GABRG3: variants seen among roughly 807,000 people sequenced by gnomAD.
GABRG3 encodes the protein gamma-aminobutyric acid type A receptor subunit gamma3.
A neutral mutation model predicts 48.8 loss-of-function variants in GABRG3; 25 were observed. That is an observed-to-expected ratio of 0.51 (90% CI 0.37 to 0.72). GABRG3 has a LOEUF of 0.72. Ranked by LOEUF, GABRG3 falls within the 30% of genes least tolerant of loss-of-function variation. The pLI is 0.00. For missense variants in GABRG3, 394 were observed against 577.9 expected (o/e 0.68, Z 3.26); for synonymous variants, 227 against 217.6 (o/e 1.04, Z -0.38).
intron 3 of GABRG3, among the ~76,000 whole-genome samples, chr15:27,318,714 G>T (rs146913596): frequency 2.6e-5 from 4 of 152,282 alleles, no homozygotes; most frequent in African/African-American, 9.6e-5. Context: ...TCTAGCTGTG[G>T]ATCCCAGGCG....
intron 2 of GABRG3, among the ~76,000 whole-genome samples, chr15:27,012,543 T>C (rs1278737433): frequency 3.3e-5 from 5 of 152,182 alleles, no homozygotes; most frequent in African/African-American, 1.2e-4. Flanking sequence ...ATGTATTCTC[T>C]TTGTAATACA....
chr15:27,019,385 C>G (rs895788007), intron 2 of GABRG3, among the ~76,000 whole-genome samples: 1 of 152,020 alleles, frequency 6.6e-6, no homozygotes, highest in African/African-American at 2.4e-5. Context: ...TCTCTTGAAG[C>G]CTCACTACCA....
chr15:27,191,076 C>G (rs1355347495), intron 3 of GABRG3, among the ~76,000 whole-genome samples: 1 of 152,146 alleles, frequency 6.6e-6, no homozygotes. Context: ...TTTGATTGCA[C>G]TGTGGTCTGA....
chr15:27,228,113 G>A (rs1308597415), intron 3 of GABRG3, among the ~76,000 whole-genome samples: 1 of 152,104 alleles, frequency 6.6e-6, no homozygotes, highest in Non-Finnish European at 1.5e-5. Flanking sequence ...ATATGTGAAG[G>A]TTTGTTACAT....
intron 6 of GABRG3, among the ~76,000 whole-genome samples, chr15:27,508,122 T>A (rs1890804140): frequency 6.6e-6 from 1 of 152,228 alleles, no homozygotes; most frequent in South Asian, 2.1e-4. Context: ...CCTGTGTGTT[T>A]CATCTGGGAT....
chr15:27,487,249 A>G (rs2150847615), intron 6 of GABRG3, among the ~76,000 whole-genome samples: 1 of 152,328 alleles, frequency 6.6e-6, no homozygotes, highest in South Asian at 2.1e-4. Context: ...TCATATCTGA[A>G]TATGTCTGTT....
chr15:27,399,042 T>C (rs148431921), intron 5 of GABRG3, among the ~76,000 whole-genome samples: 387 of 152,326 alleles, frequency 2.5e-3, no homozygotes, highest in African/African-American at 8.5e-3. Flanking sequence ...GTCTTAACTT[T>C]GAAAATTGAG....
In GABRG3 at chr15:27,276,281, G is replaced by A. The variant is rs113830835; in HGVS notation, c.271-50528G>A. On this transcript the variant is annotated intron_variant, in intron 3 of 9. Coordinates refer to ENST00000615808, the MANE Select transcript of GABRG3 (RefSeq NM_033223.5). ...GAACATATTTGGCTTTTTCAGGTTGGTTCTGAGTTGGAAATGACAGCACAA... is the reference window on the plus strand; with the variant it reads ...GAACATATTTGGCTTTTTCAGGTTGATTCTGAGTTGGAAATGACAGCACAA... 7.2e-4 allele frequency among the ~76,000 whole-genome samples: 110 copies of A among 152,304 alleles called. No homozygotes were observed. The Middle Eastern group carries it at 0.01, about 14-fold the overall frequency.
intron 3 of GABRG3, among the ~76,000 whole-genome samples, chr15:27,207,413 C>T (rs1367088837): frequency 1.3e-5 from 2 of 152,224 alleles, no homozygotes; most frequent in Non-Finnish European, 2.9e-5. Flanking sequence ...GAACTCAAGC[C>T]TTCCAAAGAT....
Position 27,480,636 on chromosome 15 carries a change from C to T in GABRG3, c.575-14C>T. On this transcript the variant is annotated splice_polypyrimidine_tract_variant and intron_variant, in intron 5 of 9. Transcript: ENST00000615808. ...GTGTACCTTCAAGTGCTAATGTTTG[C>T]TCTGTGTTTTTAGATGGCTATCCCA... The T allele has an allele frequency of 1.2e-6, 2 of 1,600,716 alleles. No individual in the cohort carries two copies. Among genetic ancestry groups the T allele is most frequent in the Non-Finnish European group, 1.7e-6 (2 of 1,171,254 alleles).
At chr15:27,354,597 G>A (rs537279842) in intron 5 of GABRG3, among the ~76,000 whole-genome samples, 1 of 152,286 alleles carries the variant, frequency 6.6e-6, no homozygotes, top group East Asian at 1.9e-4. Context: ...GCACTGAGAA[G>A]CACCAGGAGG....
intron 3 of GABRG3, among the ~76,000 whole-genome samples, chr15:27,188,559 CT>C (rs1888179998): frequency 6.6e-6 from 1 of 151,108 alleles, no homozygotes; most frequent in Admixed American, 6.6e-5. Flanking sequence ...CCTTTGCCCA[CT>C]TTTTGATGGG....
intron 3 of GABRG3, among the ~76,000 whole-genome samples, chr15:27,326,536 G>A (rs923325673): frequency 1.3e-5 from 2 of 152,150 alleles, no homozygotes; most frequent in African/African-American, 4.8e-5. Context: ...CCCTGAAATA[G>A]ATTCTACTGT....
intron 3 of GABRG3, among the ~76,000 whole-genome samples, chr15:27,097,325 A>T (rs1256641106): frequency 6.6e-6 from 1 of 152,062 alleles, no homozygotes; most frequent in Non-Finnish European, 1.5e-5. Flanking sequence ...GACCCTGGGT[A>T]CTTGGGGCTT....
intron 5 of GABRG3, among the ~76,000 whole-genome samples, chr15:27,453,577 C>T (rs1889173776): frequency 1.3e-5 from 2 of 152,096 alleles, no homozygotes; most frequent in African/African-American, 4.8e-5. Context: ...AAATGCAAAA[C>T]AACACAGACT....
chr15:27,412,578 C>T (rs1379134611), intron 5 of GABRG3, among the ~76,000 whole-genome samples: 1 of 152,160 alleles, frequency 6.6e-6, no homozygotes, highest in African/African-American at 2.4e-5. Flanking sequence ...GTGAACTAAG[C>T]TCATGGATTA....
intron 5 of GABRG3, among the ~76,000 whole-genome samples, chr15:27,430,303 C>T (rs1286996809): frequency 6.6e-6 from 1 of 152,136 alleles, no homozygotes; most frequent in African/African-American, 2.4e-5. Flanking sequence ...ATGCAACTCC[C>T]TTATCATATT....
intron 5 of GABRG3, among the ~76,000 whole-genome samples, chr15:27,458,560 T>C (rs1005306634): frequency 6.6e-6 from 1 of 152,168 alleles, no homozygotes; most frequent in African/African-American, 2.4e-5. Context: ...AAGCTCCATC[T>C]CATTATCCAG....
chr15:27,004,081 C>G (rs1362362997), intron 2 of GABRG3, among the ~76,000 whole-genome samples: 1 of 146,702 alleles, frequency 6.8e-6, no homozygotes, highest in African/African-American at 2.5e-5. Flanking sequence ...GGGGGGCTGA[C>G]CCCCCTACCT....
Sources: allele counts gnomAD v4.1 joint callset (sites outside exome capture counted in the v4.1 genomes callset), GRCh38; gene constraint gnomAD v4.1.1; transcripts MANE v1.5; gene names NCBI Gene and HGNC (gene_info 2026-07-23, HGNC 2026-07-21).